Variants in CDH12 observed in about 807,000 individuals in gnomAD.
CDH12 encodes cadherin 12, also known as cadherin-12.
A neutral mutation model predicts 74.1 loss-of-function variants in CDH12; 41 were observed. The observed-to-expected ratio is 0.55, with a 90% CI of 0.43 to 0.72. The LOEUF (loss-of-function observed/expected upper bound fraction) is 0.72, where lower values mean the gene tolerates loss of function less well. Among genes scored for constraint, CDH12 ranks in the 30% least tolerant of loss-of-function variants. The pLI, the probability that CDH12 is intolerant of heterozygous loss-of-function variation, is 0.00. For synonymous variants in CDH12, 399 were observed against 355.0 expected (o/e 1.12, Z -1.39); for missense variants, 945 against 977.2 (o/e 0.97, Z 0.44).
chr5:22,195,646 A>C (rs1750573742), intron 4 of CDH12, among the ~76,000 whole-genome samples: 1 of 152,176 alleles, frequency 6.6e-6, no homozygotes, highest in South Asian at 2.1e-4. Flanking sequence ...TGAATAAGAA[A>C]ATATAAAATG....
chr5:22,709,544 A>G (rs1306672983), intron 1 of CDH12, among the ~76,000 whole-genome samples: 1 of 152,232 alleles, frequency 6.6e-6, no homozygotes. Context: ...GCACTAAATA[A>G]TTAGCAAATG....
intron 6 of CDH12, among the ~76,000 whole-genome samples, chr5:21,964,856 G>A (rs1756513361): frequency 6.6e-6 from 1 of 151,918 alleles, no homozygotes; most frequent in Admixed American, 6.6e-5. Flanking sequence ...TTATTTGTTA[G>A]CTTAGGTATA....
At chr5:22,510,797 A>G (rs1736570479) in intron 1 of CDH12, among the ~76,000 whole-genome samples, 1 of 152,152 alleles carries the variant, frequency 6.6e-6, no homozygotes, top group Non-Finnish European at 1.5e-5. Flanking sequence ...CCACAAATAC[A>G]TAAGGCTGGT....
At chr5:22,567,921 T>C (rs1048168130) in intron 1 of CDH12, among the ~76,000 whole-genome samples, 5 of 152,234 alleles carry the variant, frequency 3.3e-5, no homozygotes, top group Non-Finnish European at 4.4e-5. Context: ...TCCCAGTGTG[T>C]ACCTATGGTA....
intron 4 of CDH12, among the ~76,000 whole-genome samples, chr5:22,124,177 G>C (rs1745696878): frequency 6.6e-6 from 1 of 151,444 alleles, no homozygotes; most frequent in Non-Finnish European, 1.5e-5. Flanking sequence ...TTTTTTTTGA[G>C]ACAGAGTCTC....
intron 7 of CDH12, among the ~76,000 whole-genome samples, chr5:21,845,304 T>C (rs1750105532): frequency 6.6e-6 from 1 of 152,144 alleles, no homozygotes; most frequent in Non-Finnish European, 1.5e-5. Context: ...CTAGCCCCTA[T>C]AAATAGAGTA....
intron 9 of CDH12, among the ~76,000 whole-genome samples, chr5:21,803,227 C>G (rs1319315738): frequency 6.6e-6 from 1 of 151,978 alleles, no homozygotes; most frequent in Non-Finnish European, 1.5e-5. Context: ...TATTTTATGG[C>G]ATCTTATATT....
chr5:22,005,551 ATCTT>A (rs938102197), intron 5 of CDH12, among the ~76,000 whole-genome samples: 3 of 150,330 alleles, frequency 2.0e-5, no homozygotes, highest in Admixed American at 2.0e-4. Flanking sequence ...AACGCTCTTG[ATCTT>A]TCTAATTGTT....
intron 1 of CDH12, among the ~76,000 whole-genome samples, chr5:22,722,382 C>T (rs1046168082): frequency 6.6e-6 from 1 of 152,174 alleles, no homozygotes; most frequent in Non-Finnish European, 1.5e-5. Flanking sequence ...CACGTTGTGG[C>T]ACTCTATTTA....
chr5:22,744,429 A>T (rs974196760), intron 1 of CDH12, among the ~76,000 whole-genome samples: 2 of 77,656 alleles, frequency 2.6e-5, no homozygotes, highest in Non-Finnish European at 6.7e-5. Flanking sequence ...ACTCCGTCTC[A>T]AAAAAAAACA....
chr5:21,812,108 C>T (rs1256849092), intron 9 of CDH12, among the ~76,000 whole-genome samples: 1 of 151,894 alleles, frequency 6.6e-6, no homozygotes, highest in East Asian at 1.9e-4. Flanking sequence ...ACAATATGTA[C>T]TTCAGATCAT....
chr5:22,836,897 C>A (rs75142233), intron 1 of CDH12, among the ~76,000 whole-genome samples: 2,437 of 152,238 alleles, frequency 0.016, 64 homozygotes, highest in African/African-American at 0.055. Flanking sequence ...CTTATCTGAA[C>A]TTCTTCATGC....
intron 4 of CDH12, among the ~76,000 whole-genome samples, chr5:22,157,522 T>A (rs563314144): frequency 1.3e-5 from 2 of 152,166 alleles, no homozygotes; most frequent in African/African-American, 4.8e-5. Context: ...AAGATGGATA[T>A]CCAGATTCTT....
intron 5 of CDH12, among the ~76,000 whole-genome samples, chr5:21,997,619 TGATAAATACTAGA>T (rs1472496290): frequency 9.2e-5 from 14 of 152,258 alleles, no homozygotes; most frequent in African/African-American, 3.4e-4. Context: ...GAAAACTATG[TGATAAATACTAGA>T]GATGCCATGA....
chr5:22,089,091 G>T (rs559450219), intron 4 of CDH12, among the ~76,000 whole-genome samples: 1 of 152,282 alleles, frequency 6.6e-6, no homozygotes, highest in Non-Finnish European at 1.5e-5. Context: ...ACTGACATTA[G>T]ACAATGTCAT....
At chr5:22,170,847 C>T (rs1401662962) in intron 4 of CDH12, among the ~76,000 whole-genome samples, 1 of 151,720 alleles carries the variant, frequency 6.6e-6, no homozygotes, top group Non-Finnish European at 1.5e-5. Flanking sequence ...TTAAAATTAA[C>T]ATTTATCTTA....
chr5:22,038,782 T>G (rs577421456), intron 5 of CDH12, among the ~76,000 whole-genome samples: 1 of 152,196 alleles, frequency 6.6e-6, no homozygotes, highest in South Asian at 2.1e-4. Context: ...ACCAAAGGAT[T>G]TGTGCCTCGA....
At chr5:22,277,217 T>C (rs954212916) in intron 3 of CDH12, among the ~76,000 whole-genome samples, 1 of 152,150 alleles carries the variant, frequency 6.6e-6, no homozygotes, top group Non-Finnish European at 1.5e-5. Flanking sequence ...TCTGCCAAGG[T>C]TGGCTCTGCT....
chr5:22,068,982 C>A (rs1416862762), intron 5 of CDH12, among the ~76,000 whole-genome samples: 1 of 152,182 alleles, frequency 6.6e-6, no homozygotes, highest in Non-Finnish European at 1.5e-5. Flanking sequence ...AATTAACCAG[C>A]AACCTGGTGA....
Sources: gnomAD v4.1 joint callset for allele counts (sites outside exome capture counted in the v4.1 genomes callset) on GRCh38, gnomAD v4.1.1 for gene constraint, MANE v1.5 for transcripts, NCBI Gene and HGNC (gene_info 2026-07-23, HGNC 2026-07-21) for gene names.